The following MYO1E variants were observed in gnomAD, a reference collection of about 807,000 sequenced individuals.
MYO1E encodes the protein unconventional myosin-Ie.
A neutral mutation model predicts 151.1 loss-of-function variants in MYO1E; 68 were observed. That is an observed-to-expected ratio of 0.45 (90% CI 0.37 to 0.55). The LOEUF (loss-of-function observed/expected upper bound fraction) is 0.55, where lower values mean the gene tolerates loss of function less well. Among genes scored for constraint, MYO1E ranks in the 20% least tolerant of loss-of-function variants. MYO1E has a pLI of 0.00. For missense variants in MYO1E, 1,363 were observed against 1,389.3 expected (o/e 0.98, Z 0.30); for synonymous variants, 601 against 501.7 (o/e 1.20, Z -2.64).
intron 1 of MYO1E, among the ~76,000 whole-genome samples, chr15:59,313,391 TCATG>T (rs2080564958): frequency 6.6e-6 from 1 of 152,166 alleles, no homozygotes. Flanking sequence ...AGGTCTGATG[TCATG>T]GTTCTATGGG....
intron 12 of MYO1E, 129 bp downstream of exon 12, chr15:59,214,099 T>C: frequency 1.4e-6 from 1 of 721,014 alleles, no homozygotes; most frequent in Non-Finnish European, 2.3e-6. Flanking sequence ...TTTTTCTGCC[T>C]GACTTTATTA....
intron 1 of MYO1E, among the ~76,000 whole-genome samples, chr15:59,293,530 A>C (rs2080431786): frequency 6.6e-6 from 1 of 151,868 alleles, no homozygotes; most frequent in South Asian, 2.1e-4. Flanking sequence ...TGGGTGACAG[A>C]GTGAGACTCC....
In MYO1E at chr15:59,372,845, T is replaced by C; in HGVS notation, c.-345A>G. On this transcript the variant is annotated 5_prime_UTR_variant, in exon 1 of 28. Coordinates refer to ENST00000288235, the MANE Select transcript of MYO1E (RefSeq NM_004998.4). ...CCTCACTCCTCTTTCTTCGGCCACT[T>C]AATCCGTACTCCTCTGGCTGAGTCT... The C allele has an allele frequency of 2.4e-6, 1 of 416,006 alleles. No homozygotes were observed. 25.8% of individuals were successfully genotyped at this position (416,006 alleles called of 1,614,324 possible). A position where few individuals can be genotyped will look rare whatever the true frequency, so the allele number is the denominator to read the frequency against.
At chr15:59,264,668 C>T (rs905052632) in intron 2 of MYO1E, among the ~76,000 whole-genome samples, 1 of 152,204 alleles carries the variant, frequency 6.6e-6, no homozygotes, top group African/African-American at 2.4e-5. Flanking sequence ...ACTCGAAAAC[C>T]TAATTCCCTT....
chr15:59,252,250 C>T (rs1320722573), intron 4 of MYO1E, among the ~76,000 whole-genome samples: 1 of 152,238 alleles, frequency 6.6e-6, no homozygotes, highest in East Asian at 1.9e-4. Flanking sequence ...CTCTTGGTGT[C>T]TAGTTTAGTG....
At chr15:59,142,497 G>C (rs1168222822) in intron 26 of MYO1E, among the ~76,000 whole-genome samples, 3 of 152,196 alleles carry the variant, frequency 2.0e-5, no homozygotes, top group Non-Finnish European at 2.9e-5. Context: ...CTTTGACTAA[G>C]ACCTGTTTCT....
intron 1 of MYO1E, among the ~76,000 whole-genome samples, chr15:59,281,320 G>A (rs2080352213): frequency 1.3e-5 from 2 of 148,504 alleles, no homozygotes; most frequent in Admixed American, 1.4e-4. Context: ...CTGTCACCTA[G>A]GCTGGAGTGT....
rs78502726 is a variant in MYO1E, at chr15:59,258,640, C to T, written c.238-2262G>A. ...GGCAAGGCCAGAGGATCACTCGAAC[C>T]CAGCAGTTCCAGATCAACCTGGGCA... On this transcript the variant is annotated intron_variant, in intron 3 of 27. Transcript: ENST00000288235. Among the ~76,000 whole-genome samples the T allele has an allele frequency of 4.1e-3, 621 of 152,270 alleles. 7 individuals carry two copies. The highest frequency in any genetic ancestry group is 0.014 in the African/African-American group (582 of 41,556).
At chr15:59,310,267 A>G (rs1169198848) in intron 1 of MYO1E, among the ~76,000 whole-genome samples, 1 of 152,166 alleles carries the variant, frequency 6.6e-6, no homozygotes, top group Non-Finnish European at 1.5e-5. Context: ...GGTGCAGCGA[A>G]GTGTGTATCT....
Position 59,217,512 on chromosome 15 carries a change from G to T in MYO1E, c.1107+379C>A, listed in dbSNP as rs892484063. 3.9e-3 allele frequency among the ~76,000 whole-genome samples: 218 copies of T among 55,568 alleles called. 2 individuals are homozygous for T. Among genetic ancestry groups the T allele is most frequent in the African/African-American group, 0.013 (200 of 15,378 alleles). 36.5% of individuals were successfully genotyped at this position (55,568 alleles called of 152,430 possible). Reference sequence around the variant, plus strand: ...GAACAGGAACACAAAACCCTCAGTCGTTTTACCTTTTTTTTTTTTTTTTTT... The same window carrying T: ...GAACAGGAACACAAAACCCTCAGTCTTTTTACCTTTTTTTTTTTTTTTTTT... On this transcript the variant is annotated intron_variant, in intron 10 of 27. Coordinates refer to ENST00000288235, the MANE Select transcript of MYO1E (RefSeq NM_004998.4).
At chr15:59,288,707 A>T (rs1596402032) in intron 1 of MYO1E, among the ~76,000 whole-genome samples, 1 of 152,344 alleles carries the variant, frequency 6.6e-6, no homozygotes, top group African/African-American at 2.4e-5. Context: ...TTCAAATAAA[A>T]AATATAGAAC....
chr15:59,157,309 G>C (rs750843077), intron 25 of MYO1E, among the ~76,000 whole-genome samples: 11 of 151,918 alleles, frequency 7.2e-5, no homozygotes, highest in Non-Finnish European at 1.2e-4. Context: ...TTTTTGAACA[G>C]GCCTCCTGAA....
chr15:59,276,727 C>T (rs2080321479), intron 1 of MYO1E, among the ~76,000 whole-genome samples: 1 of 152,198 alleles, frequency 6.6e-6, no homozygotes, highest in African/African-American at 2.4e-5. Context: ...AAGAACTCGG[C>T]CTTGAGGCTG....
At position 59,132,443 on chromosome 15, in the gene MYO1E, T is replaced by TATTA. The variant is rs1394229953; in HGVS notation, c.*4933_*4936dup. The TATTA allele has an allele frequency of 6.6e-6, 1 of 152,192 alleles. No homozygotes were observed. The highest frequency in any genetic ancestry group is 1.5e-5 in the Non-Finnish European group (1 of 68,038). The allele number at this position is 152,192 out of a possible 1,614,324, so 9.4% of individuals were successfully genotyped here. A position where few individuals can be genotyped will look rare whatever the true frequency, so the allele number is the denominator to read the frequency against. ...TTCCAAAGACATTTTATAGCTTCCT[T>TATTA]ATTACATATTTTACTTAGTTAAATA... On this transcript the variant is annotated 3_prime_UTR_variant, in exon 28 of 28. Transcript: ENST00000288235.
chr15:59,243,146 A>T (rs2080110180), intron 4 of MYO1E, among the ~76,000 whole-genome samples: 1 of 148,770 alleles, frequency 6.7e-6, no homozygotes. Flanking sequence ...ATTGAACACA[A>T]CTCTTATTTC....
chr15:59,371,682 T>G (rs1405374002), intron 1 of MYO1E, among the ~76,000 whole-genome samples: 1 of 152,078 alleles, frequency 6.6e-6, no homozygotes, highest in African/African-American at 2.4e-5. Flanking sequence ...CGCGAGGGCG[T>G]CTTCCCGTGC....
At chr15:59,189,322 G>A (rs1596357848) in intron 17 of MYO1E, among the ~76,000 whole-genome samples, 1 of 152,272 alleles carries the variant, frequency 6.6e-6, no homozygotes, top group Admixed American at 6.5e-5. Context: ...GCCTCCCAAA[G>A]TTCTGGGATT....
At chr15:59,140,805 CT>C (rs1226044040) in intron 26 of MYO1E, among the ~76,000 whole-genome samples, 2 of 152,166 alleles carry the variant, frequency 1.3e-5, no homozygotes, top group African/African-American at 2.4e-5. Context: ...CTGGGCGCCC[CT>C]GAGACTCGGC....
At chr15:59,353,923 CATAA>C (rs2080839314) in intron 1 of MYO1E, among the ~76,000 whole-genome samples, 1 of 152,112 alleles carries the variant, frequency 6.6e-6, no homozygotes, top group Non-Finnish European at 1.5e-5. Flanking sequence ...AGCATGTGAA[CATAA>C]ATAGGCTCCA....
Sources: gnomAD v4.1 joint callset for allele counts (sites outside exome capture counted in the v4.1 genomes callset) on GRCh38, gnomAD v4.1.1 for gene constraint, MANE v1.5 for transcripts, NCBI Gene and HGNC (gene_info 2026-07-23, HGNC 2026-07-21) for gene names.